Variants in ABHD5 observed in about 807,000 individuals in gnomAD.
ABHD5 encodes the protein abhydrolase domain containing 5, lysophosphatidic acid acyltransferase.
Under a neutral mutation model 44.9 loss-of-function variants are expected in ABHD5, and 30 were observed. The ratio of observed to expected loss-of-function variants is 0.67; its 90% CI spans 0.50 to 0.91. The LOEUF is 0.91. ABHD5 is among the 40% of genes least tolerant of loss of function. ABHD5 has a pLI of 0.00. For missense variants in ABHD5, 399 were observed against 423.4 expected (o/e 0.94, Z 0.50); for synonymous variants, 167 against 147.0 (o/e 1.14, Z -0.99).
At chr3:43,693,086 G>C (rs2084421237) in intron 1 of ABHD5, among the ~76,000 whole-genome samples, 1 of 152,204 alleles carries the variant, frequency 6.6e-6, no homozygotes, top group Non-Finnish European at 1.5e-5. Flanking sequence ...AATGAGAGTA[G>C]AGTAGACTTC....
At position 43,711,863 on chromosome 3, in the gene ABHD5, G is replaced by T; in HGVS notation, c.661G>T (p.Gly221Cys). The T allele has an allele frequency of 6.2e-7, 1 of 1,614,106 alleles. No individual in the cohort carries two copies. The highest frequency in any genetic ancestry group is 8.5e-7 in the Non-Finnish European group (1 of 1,180,004). ...TGGCCTAAGGATTGCAGGACCCTTT[G>T]GTGAGTGCTTATGTTCTAGGAAAGC... ...LAGLRIAGPF[G>C]LSLVQRLRPD... Residue 221 changes from glycine (G) to cysteine (C), a missense_variant and splice_region_variant, in exon 4 of 7, where the codon GGT becomes TGT. Transcript: ENST00000644371.
At chr3:43,706,792 A>G (rs1181082328) in intron 3 of ABHD5, among the ~76,000 whole-genome samples, 2 of 152,190 alleles carry the variant, frequency 1.3e-5, no homozygotes, top group Non-Finnish European at 2.9e-5. Flanking sequence ...TTGCAAATAT[A>G]ATCTTTATTT....
intron 7 of ABHD5, among the ~76,000 whole-genome samples, chr3:43,731,787 C>T (rs1416045683): frequency 2.6e-5 from 4 of 152,010 alleles, no homozygotes; most frequent in African/African-American, 7.2e-5. Context: ...GAGCTGAGAT[C>T]GTGCCATTGC....
intron 4 of ABHD5, among the ~76,000 whole-genome samples, chr3:43,714,137 C>CTT (rs542982546): frequency 3.9e-4 from 54 of 136,874 alleles, no homozygotes; most frequent in African/African-American, 6.4e-4. Context: ...TTCTTTTTTT[C>CTT]TTTTTTTTTT....
Position 43,702,226 on chromosome 3 carries a change from A to G in ABHD5, c.145A>G (p.Thr49Ala), listed in dbSNP as rs141184431. 3.1e-5 allele frequency: 49 copies of G among 1,589,240 alleles called. No individual in the cohort carries two copies. The highest frequency in any genetic ancestry group is 1.7e-5 in the Non-Finnish European group (20 of 1,164,342). ...TATGTTTTCATTAGGTGTGCCTTGC[A>G]CATACAAAAAAGAACCTGTTCGTAT... is the stretch of plus-strand genomic sequence containing the variant. Reference protein sequence around the residue: ...EEKMLKCVPCTYKKEPVRISN... With the variant: ...EEKMLKCVPCAYKKEPVRISN... The change falls in exon 3 of 7, where the codon ACA (threonine) becomes GCA (alanine). Residue 49 changes from threonine (T) to alanine (A), a missense_variant. By Grantham distance (58) the Thr-to-Ala change is moderately conservative (BLOSUM62 0). Transcript: ENST00000644371.
rs1191364059 is a variant in ABHD5 at position 43,717,656 on chromosome 3, T to G, written c.774-15T>G. On this transcript the variant is annotated splice_polypyrimidine_tract_variant and intron_variant, in intron 5 of 6. Transcript: ENST00000644371. ...CCAAAAATCATACATCGTGATTTTC[T>G]CCTTGCCGTTAAAGTGGTGAGACAG... 6.2e-6 allele frequency: 10 copies of G among 1,614,034 alleles called. No homozygotes were observed. The highest frequency in any genetic ancestry group is 8.5e-6 in the Non-Finnish European group (10 of 1,179,892).
chr3:43,718,624 C>A lies in ABHD5; in HGVS notation c.*92C>A. On this transcript the variant is annotated 3_prime_UTR_variant, in exon 7 of 7. Transcript: ENST00000644371. Reference sequence around the variant, plus strand: ...GTGATGAAGAGTAGTGAATACAACACACAACCAGGCAGCCTTCTTGACTAT... The same window carrying A: ...GTGATGAAGAGTAGTGAATACAACAAACAACCAGGCAGCCTTCTTGACTAT... 8.2e-7 allele frequency: 1 copy of A among 1,214,046 alleles called. No homozygotes were observed. The highest frequency in any genetic ancestry group is 1.2e-6 in the Non-Finnish European group (1 of 818,418). The allele number at this position is 1,214,046 out of a possible 1,614,324, so 75.2% of individuals were successfully genotyped here. A position where few individuals can be genotyped will look rare whatever the true frequency, so the allele number is the denominator to read the frequency against.
intron 5 of ABHD5, among the ~76,000 whole-genome samples, chr3:43,715,889 T>G (rs1235510330): frequency 6.6e-6 from 1 of 152,184 alleles, no homozygotes; most frequent in Non-Finnish European, 1.5e-5. Flanking sequence ...CTATGTGTAT[T>G]TTTCAAGTTC....
rs550433079 is a variant in ABHD5, at chr3:43,714,457, G to T, written c.662-490G>T. ...TGTCCTCGGCTTTTTCTAGAGTGGG[G>T]CTGTGGGCGCCACCAGGGATAACCT... is the stretch of plus-strand genomic sequence containing the variant. On this transcript the variant is annotated intron_variant, in intron 4 of 6. Coordinates refer to ENST00000644371, the MANE Select transcript of ABHD5 (RefSeq NM_016006.6). 7.9e-5 allele frequency among the ~76,000 whole-genome samples: 12 copies of T among 152,140 alleles called. No individual in the cohort carries two copies. In the East Asian group the frequency reaches 1.9e-3, roughly 25 times the overall value.
At chr3:43,728,313 A>G (rs1212717443) in intron 7 of ABHD5, among the ~76,000 whole-genome samples, 2 of 152,230 alleles carry the variant, frequency 1.3e-5, no homozygotes, top group Non-Finnish European at 2.9e-5. Flanking sequence ...TTCAGATAGT[A>G]AAGTACCCTA....
At chr3:43,718,346 G>A in intron 6 of ABHD5, 97 bp from the exon 7 acceptor site, 1 of 934,642 alleles carries the variant, frequency 1.1e-6, no homozygotes, top group Non-Finnish European at 1.8e-6. Flanking sequence ...AAATACAGTG[G>A]CTCTCACTTT....
At chr3:43,725,957 C>G (rs1380367808), downstream of ABHD5, among the ~76,000 whole-genome samples, 7 of 151,970 alleles carry the variant, frequency 4.6e-5, no homozygotes, top group Non-Finnish European at 8.8e-5. Context: ...GCTCCGCCTC[C>G]TGGGTTCATG....
chr3:43,722,700 C>A lies in ABHD5; in HGVS notation c.*4168C>A, dbSNP rs2084850987. On this transcript the variant is annotated 3_prime_UTR_variant, in exon 7 of 7. Transcript: ENST00000644371. ...AATGGAATATATCCTACAGACCAAACAACCACAAATAAATCTTAAACTGCA... is the reference window on the plus strand; with the variant it reads ...AATGGAATATATCCTACAGACCAAAAAACCACAAATAAATCTTAAACTGCA... 6.6e-6 allele frequency: 1 copy of A among 152,174 alleles called. No homozygotes were observed. Among genetic ancestry groups the A allele is most frequent in the African/African-American group, 2.4e-5 (1 of 41,454 alleles). The allele number at this position is 152,174 out of a possible 1,614,324, so 9.4% of individuals were successfully genotyped here.
At position 43,710,047 on chromosome 3, in the gene ABHD5, CAAATAA is replaced by C. The variant is rs145038385; in HGVS notation, c.507-1652_507-1647del. 6.4e-3 allele frequency among the ~76,000 whole-genome samples: 968 copies of C among 151,850 alleles called. 72 individuals carry two copies. In the East Asian group the frequency reaches 0.16, roughly 26 times the overall value. ...GACAGAGTGAGACTCCATCTCAAAA[CAAATAA>C]AAATAAAAAGGAATTTAGGAGGTGG... On this transcript the variant is annotated intron_variant, in intron 3 of 6. Transcript: ENST00000644371.
At position 43,727,872 on chromosome 3, in the gene ABHD5, G is replaced by A. The variant is rs137908515; in HGVS notation, c.*30-6008G>A. On this transcript the variant is annotated intron_variant, in intron 7 of 7. Transcript: ENST00000454293. ...AATCAGCCCGCCTCGGCCTCCCAAAGTGCTAGTAGTACAGGCGTGAGCCAC... is the reference window on the plus strand; with the variant it reads ...AATCAGCCCGCCTCGGCCTCCCAAAATGCTAGTAGTACAGGCGTGAGCCAC... Among the ~76,000 whole-genome samples, 34 of 152,284 alleles carry A rather than the reference G, an allele frequency of 2.2e-4. No individual in the cohort carries two copies. The East Asian group carries it at 6.0e-3, about 27-fold the overall frequency.
intron 7 of ABHD5, among the ~76,000 whole-genome samples, chr3:43,732,232 A>G (rs1465584475): frequency 6.6e-6 from 1 of 152,118 alleles, no homozygotes; most frequent in Non-Finnish European, 1.5e-5. Context: ...AGAGTTCAAG[A>G]CCAGCCTGGC....
intron 4 of ABHD5, among the ~76,000 whole-genome samples, chr3:43,712,321 A>G (rs2149602740): frequency 6.6e-6 from 1 of 152,356 alleles, no homozygotes; most frequent in South Asian, 2.1e-4. Flanking sequence ...AGGTACCACC[A>G]CACTCACAGA....
chr3:43,718,000 G>A, intron 6 of ABHD5, 143 bp downstream of exon 6: 1 of 1,035,866 alleles, frequency 9.7e-7, no homozygotes, highest in South Asian at 1.4e-5. Flanking sequence ...GATACCACCT[G>A]TGATGGGTGC....
At chr3:43,691,436 C>T (rs1426480535) in intron 1 of ABHD5, 1 of 162,576 alleles carries the variant, frequency 6.2e-6, no homozygotes. Flanking sequence ...GGTGCCCGGT[C>T]GACCCTGCAC....
Sources: allele counts gnomAD v4.1 joint callset (sites outside exome capture counted in the v4.1 genomes callset), GRCh38; gene constraint gnomAD v4.1.1; transcripts MANE v1.5; gene names NCBI Gene and HGNC (gene_info 2026-07-23, HGNC 2026-07-21).